ITPR2: variants seen among roughly 807,000 people sequenced by gnomAD.
ITPR2 encodes inositol 1,4,5-trisphosphate receptor type 2.
A neutral mutation model predicts 317.1 loss-of-function variants in ITPR2; 207 were observed. The observed-to-expected ratio is 0.65, with a 90% CI of 0.58 to 0.73. ITPR2 has a LOEUF of 0.73. Among genes scored for constraint, ITPR2 ranks in the 30% least tolerant of loss-of-function variants. The pLI is 0.00. For synonymous variants in ITPR2, 1,156 were observed against 1,149.1 expected, an observed-to-expected ratio of 1.01 and a Z score of -0.12; for missense variants, 2,613 against 3,284.0, an observed-to-expected ratio of 0.80 and a Z score of 4.99.
chr12:26,426,629 A>G (rs1565520105), intron 49 of ITPR2, among the ~76,000 whole-genome samples: 1 of 152,074 alleles, frequency 6.6e-6, no homozygotes, highest in Non-Finnish European at 1.5e-5. Context: ...ATTGACAATG[A>G]TTGAGGATAA....
intron 37 of ITPR2, among the ~76,000 whole-genome samples, chr12:26,532,459 C>A (rs1184427482): frequency 6.6e-6 from 1 of 152,158 alleles, no homozygotes; most frequent in Non-Finnish European, 1.5e-5. Flanking sequence ...TGACTCACTG[C>A]ATCCTCAATC....
chr12:26,692,119 C>A (rs1948252616), intron 10 of ITPR2, among the ~76,000 whole-genome samples: 1 of 152,020 alleles, frequency 6.6e-6, no homozygotes, highest in Non-Finnish European at 1.5e-5. Context: ...GGTACACCGC[C>A]CCCCCGCCAA....
At chr12:26,774,908 G>A (rs1414611604) in intron 2 of ITPR2, among the ~76,000 whole-genome samples, 1 of 152,184 alleles carries the variant, frequency 6.6e-6, no homozygotes, top group African/African-American at 2.4e-5. Context: ...ATGGAAGTTG[G>A]CCCCAGCCTT....
chr12:26,447,765 C>T (rs762809793), intron 45 of ITPR2, among the ~76,000 whole-genome samples: 2 of 151,956 alleles, frequency 1.3e-5, no homozygotes, highest in African/African-American at 2.4e-5. Flanking sequence ...ACAGTGCTTT[C>T]CTGGTCCAAA....
intron 44 of ITPR2, 26 bp from the exon 45 acceptor site, chr12:26,475,444 A>T: frequency 6.2e-7 from 1 of 1,600,078 alleles, no homozygotes; most frequent in Non-Finnish European, 8.5e-7. Flanking sequence ...AAGAATATTG[A>T]AATGCCAGAA....
At chr12:26,605,111 A>T (rs1261128827) in intron 26 of ITPR2, among the ~76,000 whole-genome samples, 2 of 97,258 alleles carry the variant, frequency 2.1e-5, no homozygotes, top group African/African-American at 3.3e-5. Context: ...ATAAAAATAA[A>T]AAATAAAAAA....
chr12:26,818,155 T>C (rs541245311), intron 1 of ITPR2, among the ~76,000 whole-genome samples: 1 of 152,312 alleles, frequency 6.6e-6, no homozygotes, highest in South Asian at 2.1e-4. Context: ...AACTTCCATT[T>C]TGAAAAAAAT....
chr12:26,460,076 T>C (rs915602170), intron 45 of ITPR2, among the ~76,000 whole-genome samples: 1 of 152,228 alleles, frequency 6.6e-6, no homozygotes, highest in Admixed American at 6.5e-5. Context: ...CAGCTACAGA[T>C]GAAGTGGTTC....
chr12:26,620,720 T>C (rs1012154856), intron 26 of ITPR2, among the ~76,000 whole-genome samples: 8 of 152,208 alleles, frequency 5.3e-5, no homozygotes, highest in African/African-American at 1.2e-4. Context: ...TATATAAGGA[T>C]ATGCATAATG....
intron 7 of ITPR2, 79 bp downstream of exon 7, chr12:26,715,673 T>C (rs1948728153): frequency 3.2e-6 from 3 of 938,776 alleles, no homozygotes; most frequent in East Asian, 2.4e-5. Flanking sequence ...CACCAGTGAA[T>C]ACATAGGTTT....
At chr12:26,795,940 C>T (rs893592055) in intron 1 of ITPR2, among the ~76,000 whole-genome samples, 2 of 149,864 alleles carry the variant, frequency 1.3e-5, no homozygotes, top group Non-Finnish European at 3.0e-5. Flanking sequence ...GCCCAGATCA[C>T]GCCACTGCAC....
chr12:26,379,857 A>G (rs1939453437), intron 55 of ITPR2, among the ~76,000 whole-genome samples: 2 of 152,370 alleles, frequency 1.3e-5, no homozygotes, highest in East Asian at 3.9e-4. Flanking sequence ...CAAACTTCAG[A>G]TTCATATGCT....
intron 19 of ITPR2, 120 bp from the exon 20 acceptor site, chr12:26,655,972 C>A: frequency 1.0e-6 from 1 of 992,416 alleles, no homozygotes; most frequent in Non-Finnish European, 1.5e-6. Flanking sequence ...TTCCTAGAGG[C>A]TGGGTCCTCA....
At chr12:26,350,461 C>T (rs148235220) in intron 55 of ITPR2, among the ~76,000 whole-genome samples, 1 of 152,246 alleles carries the variant, frequency 6.6e-6, no homozygotes, top group Admixed American at 6.5e-5. Flanking sequence ...GGCTGCATGC[C>T]AGATGGTGGC....
At chr12:26,410,367 T>C (rs1297520296) in intron 52 of ITPR2, among the ~76,000 whole-genome samples, 1 of 152,110 alleles carries the variant, frequency 6.6e-6, no homozygotes, top group East Asian at 1.9e-4. Context: ...TCTCTTTAGG[T>C]CAAGAAGCAT....
At chr12:26,499,180 C>A (rs185122803) in intron 37 of ITPR2, among the ~76,000 whole-genome samples, 246 of 152,182 alleles carry the variant, frequency 1.6e-3, no homozygotes, top group African/African-American at 5.6e-3. Context: ...TATGTCACAC[C>A]AAATAAAAAT....
At chr12:26,444,661 T>C (rs919509264) in intron 45 of ITPR2, among the ~76,000 whole-genome samples, 1 of 152,166 alleles carries the variant, frequency 6.6e-6, no homozygotes, top group African/African-American at 2.4e-5. Flanking sequence ...AGAGCCAGTA[T>C]TTTATCGACA....
Position 26,419,151 on chromosome 12 carries a change from C to T in ITPR2, c.7008G>A (p.Gly2336=), listed in dbSNP as rs899365143. The part of the protein sequence containing the change: ...FVGNRGTFTR[G]YRAVILDMAF... The stretch of plus-strand genomic sequence containing the variant: ...CCATATCCAGGATGACTGCTCGGTA[C>T]CCACGGGTGAACGTGCCACGATTTC... Residue 2336 remains glycine, a synonymous_variant, in exon 50 of 57, where the codon GGG becomes GGA. Transcript: ENST00000381340. 1 of 1,613,750 alleles carries T rather than the reference C, an allele frequency of 6.2e-7. No individual in the cohort carries two copies. Among genetic ancestry groups the T allele is most frequent in the Non-Finnish European group, 8.5e-7 (1 of 1,179,790 alleles).
chr12:26,462,068 A>G (rs1261160771), intron 45 of ITPR2, among the ~76,000 whole-genome samples: 3 of 152,080 alleles, frequency 2.0e-5, no homozygotes, highest in Non-Finnish European at 2.9e-5. Context: ...ACCAACAGCC[A>G]TAAAACAGAA....
Sources: allele counts gnomAD v4.1 joint callset (sites outside exome capture counted in the v4.1 genomes callset), GRCh38; gene constraint gnomAD v4.1.1; transcripts MANE v1.5; gene names NCBI Gene and HGNC (gene_info 2026-07-23, HGNC 2026-07-21).